The following APAF1 variants were observed in gnomAD, a reference collection of about 807,000 sequenced individuals.
APAF1 encodes the protein apoptotic protease-activating factor 1.
Under a neutral mutation model 152.4 loss-of-function variants are expected in APAF1, and 91 were observed. The observed-to-expected ratio is 0.60, with a 90% CI of 0.50 to 0.71. The LOEUF (loss-of-function observed/expected upper bound fraction) is 0.71. Among genes scored for constraint, APAF1 ranks in the 30% least tolerant of loss-of-function variants. The pLI, the probability that APAF1 is intolerant of heterozygous loss-of-function variation, is 0.00. For synonymous variants in APAF1, 484 were observed against 494.1 expected (o/e 0.98, Z 0.27); for missense variants, 1,283 against 1,472.0 (o/e 0.87, Z 2.10).
intron 7 of APAF1, among the ~76,000 whole-genome samples, chr12:98,664,764 C>T (rs2097669995): frequency 6.6e-6 from 1 of 152,142 alleles, no homozygotes; most frequent in Non-Finnish European, 1.5e-5. Context: ...CAAACTTCTG[C>T]CCTCAAGCAA....
chr12:98,672,093 T>G (rs1177629947), intron 12 of APAF1, among the ~76,000 whole-genome samples: 1 of 152,224 alleles, frequency 6.6e-6, no homozygotes, highest in Non-Finnish European at 1.5e-5. Context: ...TTACAGGTTT[T>G]TCTCTCATAT....
chr12:98,698,393 C>G (rs911047409), intron 16 of APAF1, among the ~76,000 whole-genome samples: 7 of 152,082 alleles, frequency 4.6e-5, no homozygotes, highest in Non-Finnish European at 1.0e-4. Context: ...CTCATATATT[C>G]TGGATAATGT....
In APAF1 at chr12:98,699,452, G is replaced by A. The variant is rs771447003; in HGVS notation, c.2349G>A (p.Val783=). 7.4e-6 allele frequency: 12 copies of A among 1,613,984 alleles called. No individual in the cohort carries two copies. Among genetic ancestry groups the A allele is most frequent in the African/African-American group, 1.3e-5 (1 of 74,914 alleles). The change falls in exon 17 of 27, where the codon GTG becomes GTA. Residue 783 remains valine, a synonymous_variant. Coordinates refer to ENST00000551964, the MANE Select transcript of APAF1 (RefSeq NM_181861.2). The part of the protein sequence containing the change: ...TSANERKSIN[V]KQFFLNLEDP... ...CAAATGAGAGGAAAAGCATTAATGT[G>A]AAACAGTTCTTCCTAAATTTGGAGG...
intron 20 of APAF1, among the ~76,000 whole-genome samples, chr12:98,711,826 C>G (rs2097728215): frequency 6.6e-6 from 1 of 151,316 alleles, no homozygotes; most frequent in Non-Finnish European, 1.5e-5. Flanking sequence ...ACTGCCCCAG[C>G]TCCAAGAAAA....
At chr12:98,650,985 C>T (rs2288739) in intron 4 of APAF1, among the ~76,000 whole-genome samples, 24,550 of 152,164 alleles carry the variant, frequency 0.16, 2,318 homozygotes, top group Non-Finnish European at 0.22. Flanking sequence ...GATGAATTTT[C>T]AATTCTAGGG....
chr12:98,666,277 C>A lies in APAF1; in HGVS notation c.1282C>A (p.Arg428=). 1 of 1,613,546 alleles carries A rather than the reference C, an allele frequency of 6.2e-7. No individual in the cohort carries two copies. The highest frequency in any genetic ancestry group is 8.5e-7 in the Non-Finnish European group (1 of 1,179,760). Reference sequence around the variant, plus strand: ...AAATAAGTCTCTTTTATTCTGTGATCGGAATGGAAAGTCGTTTCGTTATTA... The same window carrying A: ...AAATAAGTCTCTTTTATTCTGTGATAGGAATGGAAAGTCGTTTCGTTATTA... ...FVNKSLLFCD[R]NGKSFRYYLH... is the part of the protein sequence containing the mutation. Residue 428 remains arginine, a synonymous_variant, in exon 9 of 27, where the codon CGG becomes AGG. Transcript: ENST00000551964.
At chr12:98,653,631 T>C (rs1195590853) in intron 4 of APAF1, among the ~76,000 whole-genome samples, 1 of 115,704 alleles carries the variant, frequency 8.6e-6, no homozygotes, top group Non-Finnish European at 1.6e-5. Context: ...CTCTCCATCC[T>C]GGGTGACAGA....
intron 20 of APAF1, among the ~76,000 whole-genome samples, chr12:98,711,470 T>A (rs1482654497): frequency 6.6e-6 from 1 of 152,240 alleles, no homozygotes; most frequent in African/African-American, 2.4e-5. Context: ...AATTTTCATT[T>A]TGAATATCTA....
Position 98,683,300 on chromosome 12 carries a change from T to C in APAF1, c.2178+26T>C, listed in dbSNP as rs749284479. ...GTAAGTGTGGATATTGAGAATTAGG[T>C]AGATAAATTTGATTCGTACATCAGA... is the stretch of plus-strand genomic sequence containing the variant. On this transcript the variant is annotated intron_variant, in intron 15 of 26. Transcript: ENST00000551964. 3.7e-6 allele frequency: 6 copies of C among 1,611,280 alleles called. No individual in the cohort carries two copies. In the South Asian group the frequency reaches 5.5e-5, roughly 15 times the overall value.
rs1459703272 is a variant in APAF1, at chr12:98,734,214, GTC to G, written c.*1655_*1656del. ...CAGCCAACCTATTTTCCTTTCCCTT[GTC>G]TCTCTCATCCTCTTTTCCTTCCTTC... On this transcript the variant is annotated 3_prime_UTR_variant, in exon 27 of 27. Coordinates refer to ENST00000551964, the MANE Select transcript of APAF1 (RefSeq NM_181861.2). The G allele has an allele frequency of 1.3e-5, 2 of 151,988 alleles. No individual in the cohort carries two copies. The highest frequency in any genetic ancestry group is 4.8e-5 in the African/African-American group (2 of 41,332). The allele number at this position is 151,988 out of a possible 1,614,324, so 9.4% of individuals were successfully genotyped here. A position where few individuals can be genotyped will look rare whatever the true frequency, so the allele number is the denominator to read the frequency against.
chr12:98,664,301 G>A (rs750464153), intron 7 of APAF1, among the ~76,000 whole-genome samples: 2 of 152,148 alleles, frequency 1.3e-5, no homozygotes, highest in Non-Finnish European at 2.9e-5. Context: ...ACAGGCGTGA[G>A]CCACCACACG....
At chr12:98,646,479 A>G (rs1409728806) in intron 1 of APAF1, among the ~76,000 whole-genome samples, 1 of 152,220 alleles carries the variant, frequency 6.6e-6, no homozygotes, top group African/African-American at 2.4e-5. Flanking sequence ...TTGAAGCTTG[A>G]TAATTATTGC....
chr12:98,683,196 G>A lies in APAF1; in HGVS notation c.2100G>A (p.Glu700=), dbSNP rs759307185. 9.3e-6 allele frequency: 15 copies of A among 1,613,528 alleles called. No individual in the cohort carries two copies. Among genetic ancestry groups the A allele is most frequent in the Non-Finnish European group, 1.3e-5 (15 of 1,179,548 alleles). ...TACACACCTATGATGAGCACTCAGA[G>A]CAAGTCAATTGCTGCCATTTCACCA... The part of the protein sequence containing the change: ...ELVHTYDEHS[E]QVNCCHFTNS... Residue 700 remains glutamate (E), a synonymous_variant, in exon 15 of 27, where the codon GAG becomes GAA. Coordinates refer to ENST00000551964, the MANE Select transcript of APAF1 (RefSeq NM_181861.2).
In APAF1 at chr12:98,671,736, A is replaced by G. The variant is rs1441525727; in HGVS notation, c.1793+17A>G. 6.2e-7 allele frequency: 1 copy of G among 1,611,800 alleles called. No individual in the cohort carries two copies. Among genetic ancestry groups the G allele is most frequent in the Non-Finnish European group, 8.5e-7 (1 of 1,177,858 alleles). ...GGAATGGATGTAAGTAGGTTAGGAG[A>G]GAAACCAAAGGGAGTGGTGCGCTAA... On this transcript the variant is annotated intron_variant, in intron 12 of 26. Transcript: ENST00000551964.
At chr12:98,656,684 C>T (rs572288228) in intron 4 of APAF1, among the ~76,000 whole-genome samples, 11 of 152,304 alleles carry the variant, frequency 7.2e-5, no homozygotes, top group South Asian at 2.1e-4. Flanking sequence ...TTAGAATATT[C>T]GCCGTCTTGC....
At chr12:98,696,322 G>T (rs927621028) in intron 16 of APAF1, among the ~76,000 whole-genome samples, 1 of 152,158 alleles carries the variant, frequency 6.6e-6, no homozygotes, top group Non-Finnish European at 1.5e-5. Context: ...ATTGAAGATA[G>T]CGAAACCCAG....
intron 3 of APAF1, chr12:98,649,149 T>C (rs1206859115): frequency 9.6e-6 from 8 of 829,370 alleles, no homozygotes; most frequent in Non-Finnish European, 1.2e-5. Flanking sequence ...GAAATATATG[T>C]TCTTGAAAGG....
chr12:98,658,177 C>T (rs933007207), intron 4 of APAF1, among the ~76,000 whole-genome samples: 3 of 152,054 alleles, frequency 2.0e-5, no homozygotes, highest in Non-Finnish European at 4.4e-5. Context: ...AGGGACCCCT[C>T]TTTTTTATAT....
chr12:98,723,269 A>G lies in APAF1; in HGVS notation c.3161A>G (p.Lys1054Arg), dbSNP rs2097745640. 6.2e-7 allele frequency: 1 copy of G among 1,613,748 alleles called. No homozygotes were observed. Among genetic ancestry groups the G allele is most frequent in the Admixed American group, 1.7e-5 (1 of 60,006 alleles). The part of the protein sequence containing the change: ...QETVKDFRLL[K>R]NSRLLSWSFD... ...ACAGTGAAAGACTTTAGACTCTTGA[A>G]AAATTCAAGACTGCTTTCTTGGTCA... The change falls in exon 23 of 27, where the codon AAA becomes AGA. Residue 1054 changes from lysine (K) to arginine (R), a missense_variant. Transcript: ENST00000551964.
Sources: allele counts gnomAD v4.1 joint callset (sites outside exome capture counted in the v4.1 genomes callset), GRCh38; gene constraint gnomAD v4.1.1; transcripts MANE v1.5; gene names NCBI Gene and HGNC (gene_info 2026-07-23, HGNC 2026-07-21).